CDH12: variants seen among roughly 807,000 people sequenced by gnomAD.
CDH12 encodes cadherin-12.
Under a neutral mutation model 74.1 loss-of-function variants are expected in CDH12, and 41 were observed. That is an observed-to-expected ratio of 0.55 (90% CI 0.43 to 0.72). CDH12 has a LOEUF of 0.72. Ranked by LOEUF, CDH12 falls within the 30% of genes least tolerant of loss-of-function variation. The pLI, the probability that CDH12 is intolerant of heterozygous loss-of-function variation, is 0.00. For missense variants in CDH12, 945 were observed against 977.2 expected, an observed-to-expected ratio of 0.97 and a Z score of 0.44; for synonymous variants, 399 against 355.0, an observed-to-expected ratio of 1.12 and a Z score of -1.39.
chr5:22,647,571 G>T (rs924759255), intron 1 of CDH12, among the ~76,000 whole-genome samples: 1 of 151,720 alleles, frequency 6.6e-6, no homozygotes, highest in African/African-American at 2.4e-5. Context: ...CACAGAGAGA[G>T]AAAGCACTCT....
intron 3 of CDH12, among the ~76,000 whole-genome samples, chr5:22,312,794 A>G (rs1738448951): frequency 6.6e-6 from 1 of 152,234 alleles, no homozygotes; most frequent in Admixed American, 6.5e-5. Context: ...ATTCTGGTGA[A>G]AATATAGTTT....
chr5:22,003,824 CAAAAA>C (rs775995801), intron 5 of CDH12, among the ~76,000 whole-genome samples: 18 of 47,382 alleles, frequency 3.8e-4, no homozygotes, highest in African/African-American at 7.6e-4. Context: ...CCCGCTTCCA[CAAAAA>C]AAAAAAAAAA....
At chr5:22,533,838 G>C (rs1159665520) in intron 1 of CDH12, among the ~76,000 whole-genome samples, 1 of 152,124 alleles carries the variant, frequency 6.6e-6, no homozygotes, top group Non-Finnish European at 1.5e-5. Flanking sequence ...TGATTGTTTA[G>C]AGTTATACAC....
intron 2 of CDH12, among the ~76,000 whole-genome samples, chr5:22,409,075 A>T (rs1192200122): frequency 6.6e-6 from 1 of 152,064 alleles, no homozygotes; most frequent in East Asian, 1.9e-4. Context: ...ATCCTTAGGG[A>T]TCCCCTGCAA....
At chr5:22,739,666 A>G (rs958265202) in intron 1 of CDH12, among the ~76,000 whole-genome samples, 1 of 152,060 alleles carries the variant, frequency 6.6e-6, no homozygotes, top group Non-Finnish European at 1.5e-5. Flanking sequence ...TCCGGAAGTT[A>G]TTTATTATGC....
chr5:22,109,056 AG>A (rs375091442), intron 4 of CDH12, among the ~76,000 whole-genome samples: 112 of 152,346 alleles, frequency 7.4e-4, no homozygotes, highest in African/African-American at 2.5e-3. Flanking sequence ...ACATCATTAA[AG>A]GGTGTGAAAA....
At chr5:22,019,322 T>G (rs7714344) in intron 5 of CDH12, among the ~76,000 whole-genome samples, 34,250 of 152,122 alleles carry the variant, frequency 0.23, 3,992 homozygotes, top group South Asian at 0.33. Context: ...AGGCATGATT[T>G]TTTTTCCAAC....
intron 6 of CDH12, among the ~76,000 whole-genome samples, chr5:21,892,012 A>G (rs1003425551): frequency 2.0e-5 from 3 of 152,166 alleles, no homozygotes; most frequent in African/African-American, 7.2e-5. Flanking sequence ...TTAGCTGATC[A>G]TGACTGCTAT....
chr5:22,804,575 T>TCTCTGG (rs1748691311), intron 1 of CDH12, among the ~76,000 whole-genome samples: 1 of 152,170 alleles, frequency 6.6e-6, no homozygotes, highest in Non-Finnish European at 1.5e-5. Flanking sequence ...GCCTCAGCCT[T>TCTCTGG]GAGGTAGACC....
chr5:21,882,936 G>A lies in CDH12; in HGVS notation c.527-28146C>T, dbSNP rs1253542239. On this transcript the variant is annotated intron_variant, in intron 6 of 14. Coordinates refer to ENST00000382254, the MANE Select transcript of CDH12 (RefSeq NM_004061.5). ...AGAATCTGGGGATGGCACTACCACT[G>A]CTACTGTACTGGCAGGCTCTATAGC... 5.6e-6 allele frequency: 9 copies of A among 1,602,330 alleles called. No homozygotes were observed. The East Asian group carries it at 1.3e-4, about 24-fold the overall frequency.
At chr5:21,879,558 G>A (rs538855108) in intron 6 of CDH12, among the ~76,000 whole-genome samples, 5 of 152,216 alleles carry the variant, frequency 3.3e-5, no homozygotes, top group African/African-American at 9.6e-5. Flanking sequence ...AATCAATTAA[G>A]TTATTATTCC....
chr5:21,756,830 A>G (rs114796840), intron 13 of CDH12, among the ~76,000 whole-genome samples: 3,417 of 152,326 alleles, frequency 0.022, 59 homozygotes, highest in Admixed American at 0.036. Flanking sequence ...TATTTCAATC[A>G]GATTCCATTT....
intron 4 of CDH12, among the ~76,000 whole-genome samples, chr5:22,136,974 C>T (rs936788203): frequency 6.6e-6 from 1 of 151,146 alleles, no homozygotes; most frequent in African/African-American, 2.4e-5. Context: ...TAGCAAATAA[C>T]CAAACATGAG....
intron 5 of CDH12, among the ~76,000 whole-genome samples, chr5:21,990,934 G>GA (rs200693502): frequency 0.21 from 26,660 of 126,098 alleles, 2,624 homozygotes; most frequent in African/African-American, 0.29. Context: ...GCCATTAACA[G>GA]AAAAAAAAAA....
At chr5:22,276,843 C>T (rs1161574305) in intron 3 of CDH12, among the ~76,000 whole-genome samples, 1 of 152,144 alleles carries the variant, frequency 6.6e-6, no homozygotes, top group Non-Finnish European at 1.5e-5. Context: ...CATGATATCA[C>T]ACCCAGATAA....
At chr5:22,376,655 T>TC (rs1195824232) in intron 3 of CDH12, among the ~76,000 whole-genome samples, 3 of 150,650 alleles carry the variant, frequency 2.0e-5, no homozygotes, top group African/African-American at 4.9e-5. Flanking sequence ...TAGCTGGGAC[T>TC]ACAGGCATGT....
chr5:21,855,895 A>G (rs1458141203), intron 6 of CDH12, among the ~76,000 whole-genome samples: 1 of 151,734 alleles, frequency 6.6e-6, no homozygotes, highest in Non-Finnish European at 1.5e-5. Flanking sequence ...TTTTCTTTTA[A>G]TAAAATGTTA....
intron 6 of CDH12, among the ~76,000 whole-genome samples, chr5:21,875,470 G>T (rs1751878385): frequency 6.6e-6 from 1 of 151,418 alleles, no homozygotes; most frequent in African/African-American, 2.4e-5. Context: ...CCAGTAATTT[G>T]TTGTACAATT....
chr5:21,867,589 T>C (rs1751397978), intron 6 of CDH12, among the ~76,000 whole-genome samples: 2 of 152,160 alleles, frequency 1.3e-5, no homozygotes, highest in Admixed American at 6.5e-5. Context: ...ATTTTGAACT[T>C]GCTTGGGGCC....
Sources: allele counts gnomAD v4.1 joint callset (sites outside exome capture counted in the v4.1 genomes callset), GRCh38; gene constraint gnomAD v4.1.1; transcripts MANE v1.5; gene names NCBI Gene and HGNC (gene_info 2026-07-23, HGNC 2026-07-21).